The following LRP1B variants were observed in gnomAD, a reference collection of about 807,000 sequenced individuals.
LRP1B encodes LDL receptor related protein 1B, also known as low-density lipoprotein receptor-related protein 1B.
Under a neutral mutation model 556.6 loss-of-function variants are expected in LRP1B, and 217 were observed. The observed-to-expected ratio is 0.39, with a 90% CI of 0.35 to 0.44. LRP1B has a LOEUF of 0.44. Ranked by LOEUF, LRP1B falls within the 20% of genes least tolerant of loss-of-function variation. The probability of loss-of-function intolerance (pLI) is 1.00; values close to 1 mark genes in which losing one functional copy is unlikely to be tolerated. For synonymous variants in LRP1B, 2,047 were observed against 1,865.8 expected (o/e 1.10, Z -2.50); for missense variants, 5,053 against 5,620.8 (o/e 0.90, Z 3.23).
At chr2:140,884,075 C>A (rs2105188005) in intron 24 of LRP1B, 54 bp from the exon 25 acceptor site, 1 of 1,534,420 alleles carries the variant, frequency 6.5e-7, no homozygotes, top group South Asian at 1.1e-5. Context: ...GTGTTAAGCA[C>A]AAAGGAAAAG....
intron 41 of LRP1B, among the ~76,000 whole-genome samples, chr2:140,685,854 G>T (rs936468827): frequency 3.9e-5 from 6 of 152,088 alleles, no homozygotes; most frequent in African/African-American, 1.4e-4. Context: ...TCTTTGGGGA[G>T]ATCTTATAGA....
intron 1 of LRP1B, among the ~76,000 whole-genome samples, chr2:141,971,373 ACAT>A (rs1480302772): frequency 6.6e-6 from 1 of 151,486 alleles, no homozygotes; most frequent in African/African-American, 2.4e-5. Flanking sequence ...TCAATAAAAG[ACAT>A]CATATCCTAA....
intron 2 of LRP1B, among the ~76,000 whole-genome samples, chr2:141,618,754 T>C (rs1015822400): frequency 5.3e-5 from 8 of 152,208 alleles, no homozygotes; most frequent in South Asian, 4.1e-4. Context: ...CCTTAGTCTC[T>C]GCTGCTGAAT....
chr2:142,004,868 C>A (rs889967589), intron 1 of LRP1B, among the ~76,000 whole-genome samples: 1 of 151,748 alleles, frequency 6.6e-6, no homozygotes, highest in Admixed American at 6.6e-5. Context: ...AACAAAAAAC[C>A]CCACAGTTGT....
chr2:140,624,257 A>G (rs1246005622), intron 41 of LRP1B, among the ~76,000 whole-genome samples: 1 of 151,986 alleles, frequency 6.6e-6, no homozygotes, highest in Non-Finnish European at 1.5e-5. Flanking sequence ...AGGCAAACAG[A>G]CTGTATATAC....
At chr2:141,803,530 C>T (rs185801077) in intron 2 of LRP1B, among the ~76,000 whole-genome samples, 1 of 152,174 alleles carries the variant, frequency 6.6e-6, no homozygotes, top group Admixed American at 6.6e-5. Flanking sequence ...AAACTGTCCT[C>T]ATGGGTCTCA....
chr2:142,009,331 TG>T (rs1286637723), intron 1 of LRP1B, among the ~76,000 whole-genome samples: 1 of 152,190 alleles, frequency 6.6e-6, no homozygotes, highest in Non-Finnish European at 1.5e-5. Context: ...GATTGGTTTT[TG>T]TTTCTATATA....
intron 7 of LRP1B, among the ~76,000 whole-genome samples, chr2:141,109,455 T>TA (rs1700694516): frequency 6.6e-6 from 1 of 152,152 alleles, no homozygotes; most frequent in African/African-American, 2.4e-5. Context: ...TAGATTGTTA[T>TA]ACCAGGAGAC....
In LRP1B at chr2:140,358,827, A is replaced by G. The variant is rs770005344; in HGVS notation, c.11251T>C (p.Cys3751Arg). Residue 3751 changes from cysteine (C) to arginine (R), a missense_variant, in exon 73 of 91, where the codon TGT (cysteine) becomes CGT (arginine). Transcript: ENST00000389484. ...ECGDNSDEDH[C>R]GGKLTYKARP... ...TCACATTAAATGCATTTACCACCAC[A>G]GTGATCTTCATCTGAATTGTCACCG... 1 of 1,607,962 alleles carries G rather than the reference A, an allele frequency of 6.2e-7. No individual in the cohort carries two copies. Among genetic ancestry groups the G allele is most frequent in the Non-Finnish European group, 8.5e-7 (1 of 1,175,498 alleles).
At chr2:141,571,119 G>T (rs1038392292) in intron 2 of LRP1B, among the ~76,000 whole-genome samples, 67 of 151,082 alleles carry the variant, frequency 4.4e-4, no homozygotes, top group African/African-American at 1.5e-3. Flanking sequence ...GCTCCAACAG[G>T]GGTTGTCAGA....
chr2:141,452,349 T>C (rs901225328), intron 3 of LRP1B, among the ~76,000 whole-genome samples: 3 of 152,224 alleles, frequency 2.0e-5, no homozygotes, highest in Non-Finnish European at 2.9e-5. Flanking sequence ...ATGCTGAATA[T>C]TGGTAATGCC....
At chr2:140,630,268 G>A (rs1000826257) in intron 41 of LRP1B, among the ~76,000 whole-genome samples, 1 of 152,174 alleles carries the variant, frequency 6.6e-6, no homozygotes, top group Non-Finnish European at 1.5e-5. Flanking sequence ...CACAGTAGAA[G>A]AGCATAGTGA....
chr2:141,527,694 C>A (rs1039496669), intron 2 of LRP1B, among the ~76,000 whole-genome samples: 2 of 152,026 alleles, frequency 1.3e-5, no homozygotes, highest in Admixed American at 1.3e-4. Context: ...TGAAAATATG[C>A]TATGCTATAC....
intron 29 of LRP1B, among the ~76,000 whole-genome samples, chr2:140,847,894 T>G (rs909846672): frequency 6.6e-6 from 1 of 152,140 alleles, no homozygotes; most frequent in African/African-American, 2.4e-5. Flanking sequence ...AAATTTTGGT[T>G]GATAATTGTG....
chr2:141,184,784 G>A lies in LRP1B; in HGVS notation c.1013+3637C>T, dbSNP rs567090834. 3.8e-4 allele frequency among the ~76,000 whole-genome samples: 57 copies of A among 151,450 alleles called. No homozygotes were observed. In the South Asian group the frequency reaches 0.012, roughly 31 times the overall value. The stretch of plus-strand genomic sequence containing the variant: ...AAAGGTTCCCCTCCATGCCCACCGA[G>A]CCATACTCAGAGGTACCCTATACTT... On this transcript the variant is annotated intron_variant, in intron 7 of 90. Coordinates refer to ENST00000389484, the MANE Select transcript of LRP1B (RefSeq NM_018557.3).
chr2:140,329,899 C>CA (rs71408449), intron 79 of LRP1B, among the ~76,000 whole-genome samples: 181 of 150,996 alleles, frequency 1.2e-3, no homozygotes, highest in African/African-American at 4.2e-3. Flanking sequence ...AAAACAAAAA[C>CA]AAAAAAACTA....
At chr2:141,766,206 C>G (rs897358426) in intron 2 of LRP1B, among the ~76,000 whole-genome samples, 6 of 152,148 alleles carry the variant, frequency 3.9e-5, no homozygotes, top group African/African-American at 1.2e-4. Context: ...TAAACATGGT[C>G]AGACTACTTG....
intron 37 of LRP1B, among the ~76,000 whole-genome samples, chr2:140,709,448 G>A (rs1325787531): frequency 6.7e-6 from 1 of 148,434 alleles, no homozygotes; most frequent in Non-Finnish European, 1.5e-5. Context: ...GGAGGAGCAG[G>A]AGGAAGAAGA....
At chr2:141,097,688 A>G (rs772032154) in intron 7 of LRP1B, among the ~76,000 whole-genome samples, 4 of 152,274 alleles carry the variant, frequency 2.6e-5, no homozygotes, top group African/African-American at 9.6e-5. Context: ...CATTCACATA[A>G]TAGTGTGAAA....
Sources: gnomAD v4.1 joint callset for allele counts (sites outside exome capture counted in the v4.1 genomes callset) on GRCh38, gnomAD v4.1.1 for gene constraint, MANE v1.5 for transcripts, NCBI Gene and HGNC (gene_info 2026-07-23, HGNC 2026-07-21) for gene names.